Variants in MYCBPAP observed in about 807,000 individuals in gnomAD.
MYCBPAP encodes MYCBP-associated protein.
In MYCBPAP, 60 loss-of-function variants were observed where a neutral mutation model predicts 106.1. The observed-to-expected ratio is 0.57, with a 90% CI of 0.46 to 0.70. The LOEUF (loss-of-function observed/expected upper bound fraction) is 0.70, where lower values mean the gene tolerates loss of function less well. MYCBPAP is among the 30% of genes least tolerant of loss of function. The pLI is 0.00. For missense variants in MYCBPAP, 1,064 were observed against 1,169.3 expected (o/e 0.91, Z 1.31); for synonymous variants, 407 against 440.6 (o/e 0.92, Z 0.95).
intron 6 of MYCBPAP, 72 bp from the exon 7 acceptor site, chr17:50,519,568 G>T: frequency 3.2e-6 from 5 of 1,572,652 alleles, no homozygotes; most frequent in Non-Finnish European, 4.3e-6. Flanking sequence ...TGGTGCTCTT[G>T]TCTTCCCACA....
rs776455445 is a variant in MYCBPAP, at chr17:50,519,700, C to G, written c.829C>G (p.Leu277Val). 6 of 1,614,116 alleles carry G rather than the reference C, an allele frequency of 3.7e-6. No individual in the cohort carries two copies. In the Admixed American group the frequency reaches 8.3e-5, roughly 22 times the overall value. ...ATACTTGGGAGATGAGATGACAGGT[C>G]TGGTCATGACCAAGACAAAAACTCA... is the stretch of plus-strand genomic sequence containing the variant. The part of the protein sequence containing the change: ...LEYLGDEMTG[L>V]VMTKTKTQRG... Residue 277 changes from leucine (L) to valine (V), a missense_variant, in exon 7 of 19, where the codon CTG (leucine) becomes GTG (valine). Coordinates refer to ENST00000323776, the MANE Select transcript of MYCBPAP (RefSeq NM_032133.6).
upstream of MYCBPAP, chr17:50,508,434 C>A (rs1031112582): frequency 3.9e-6 from 4 of 1,036,824 alleles, no homozygotes; most frequent in Non-Finnish European, 4.1e-6. Context: ...ACAGGCCGGG[C>A]CCGCAGGGCT....
At chr17:50,517,500 C>T (rs778766687) in intron 3 of MYCBPAP, 48 bp downstream of exon 3, 3 of 1,614,060 alleles carry the variant, frequency 1.9e-6, no homozygotes, top group East Asian at 4.5e-5. Flanking sequence ...ACTCATGGGT[C>T]AGCCTCAAGA....
At chr17:50,515,159 G>A (rs12602861) in intron 1 of MYCBPAP, among the ~76,000 whole-genome samples, 36,854 of 151,776 alleles carry the variant, frequency 0.24, 4,630 homozygotes, top group East Asian at 0.44. Context: ...CCTTTCTCCA[G>A]CTTCTTCAGC....
At chr17:50,508,316 C>A, upstream of MYCBPAP, 1 of 461,512 alleles carries the variant, frequency 2.2e-6, no homozygotes, top group South Asian at 3.6e-5. Flanking sequence ...CAGCCACTCC[C>A]ACCCAGCCCT....
chr17:50,528,634 CCTGCAGCATCCA>C, intron 16 of MYCBPAP, 49 bp from the exon 17 acceptor site: 17 of 1,584,744 alleles, frequency 1.1e-5, no homozygotes, highest in Non-Finnish European at 1.5e-5. Flanking sequence ...TCCTCACGTA[CCTGCAGCATCCA>C]CTAGGCTGTT....
At chr17:50,519,615 T>A (rs1230176869) in intron 6 of MYCBPAP, 25 bp from the exon 7 acceptor site, 2 of 1,613,174 alleles carry the variant, frequency 1.2e-6, no homozygotes, top group Non-Finnish European at 1.7e-6. Context: ...CCTGGTAATC[T>A]GACTCACCTT....
At chr17:50,528,876 G>A (rs1428862795) in intron 17 of MYCBPAP, 36 bp downstream of exon 17, 10 of 1,610,532 alleles carry the variant, frequency 6.2e-6, no homozygotes, top group Non-Finnish European at 7.6e-6. Flanking sequence ...GGTGGGGCTG[G>A]GGAGGGGATT....
In MYCBPAP at chr17:50,530,497, C is replaced by CAAAAAAAAAAA. The variant is rs10526790; in HGVS notation, c.2725-821_2725-820insAAAAAAAAAAA. 1.9e-3 allele frequency among the ~76,000 whole-genome samples: 206 copies of CAAAAAAAAAAA among 105,872 alleles called. 41 individuals are homozygous for CAAAAAAAAAAA. Among genetic ancestry groups the CAAAAAAAAAAA allele is most frequent in the Middle Eastern group, 0.011 (2 of 184 alleles). 69.5% of individuals were successfully genotyped at this position (105,872 alleles called of 152,430 possible). A position where few individuals can be genotyped will look rare whatever the true frequency, so the allele number is the denominator to read the frequency against. ...GTGACAAGAGTGAGACTCTTACCTC[C>CAAAAAAAAAAA]AAAAAAAAAGAATCAACTTGCTGGC... is the stretch of plus-strand genomic sequence containing the variant. On this transcript the variant is annotated intron_variant, in intron 18 of 18. Transcript: ENST00000323776.
intron 1 of MYCBPAP, 113 bp downstream of exon 1, chr17:50,508,863 A>G: frequency 1.0e-6 from 1 of 993,124 alleles, no homozygotes; most frequent in Non-Finnish European, 1.6e-6. Context: ...GATGGAGGAA[A>G]GATCACGGGG....
At chr17:50,515,089 C>T (rs1303835156) in intron 1 of MYCBPAP, 3 of 201,234 alleles carry the variant, frequency 1.5e-5, no homozygotes, top group Non-Finnish European at 3.2e-5. Flanking sequence ...GTGCTCCATT[C>T]TTTGCCACTA....
chr17:50,510,726 G>A (rs184892140), intron 1 of MYCBPAP, among the ~76,000 whole-genome samples: 59 of 99,976 alleles, frequency 5.9e-4, no homozygotes, highest in African/African-American at 2.2e-3. Flanking sequence ...GAGACAAGTT[G>A]CCCAGGCTGG....
intron 4 of MYCBPAP, 41 bp from the exon 5 acceptor site, chr17:50,518,500 C>A (rs770814947): frequency 1.3e-6 from 2 of 1,508,904 alleles, no homozygotes; most frequent in Non-Finnish European, 1.8e-6. Context: ...CTGCCCAGAG[C>A]CTTCTTACTG....
chr17:50,518,268 C>T (rs1167620627), intron 4 of MYCBPAP, among the ~76,000 whole-genome samples: 1 of 152,228 alleles, frequency 6.6e-6, no homozygotes, highest in Non-Finnish European at 1.5e-5. Flanking sequence ...GTGAAGGTGG[C>T]AATCAACATC....
At chr17:50,524,354 A>G (rs187308777) in intron 12 of MYCBPAP, among the ~76,000 whole-genome samples, 42 of 152,250 alleles carry the variant, frequency 2.8e-4, no homozygotes, top group Non-Finnish European at 5.9e-4. Context: ...GTGGCCCCCA[A>G]TCACAAGGCC....
chr17:50,528,135 C>T lies in MYCBPAP; in HGVS notation c.2292-20C>T, dbSNP rs2143997765. On this transcript the variant is annotated intron_variant, in intron 15 of 18. Transcript: ENST00000323776. ...CAAATGAGGAGTGATGGCATTTCTC[C>T]ACTGTGTCTTGCCCTCTAGTTTGCA... is the stretch of plus-strand genomic sequence containing the variant. 1 of 1,603,862 alleles carries T rather than the reference C, an allele frequency of 6.2e-7. No individual in the cohort carries two copies. The highest frequency in any genetic ancestry group is 2.2e-5 in the East Asian group (1 of 44,806).
rs1567891506 is a variant in MYCBPAP, at chr17:50,522,995, C to T, written c.1314C>T (p.Thr438=). The change falls in exon 11 of 19, where the codon ACC becomes ACT. Residue 438 remains threonine, a synonymous_variant. Transcript: ENST00000323776. ...LTFETLEGEK[T]SSELTVVNNG... is the part of the protein sequence containing the mutation. ...TTGAAACCCTAGAAGGCGAGAAAAC[C>T]TCCTCAGAACTGACTGTGGTCAATA... 1 of 1,613,638 alleles carries T rather than the reference C, an allele frequency of 6.2e-7. No homozygotes were observed. The highest frequency in any genetic ancestry group is 1.3e-5 in the African/African-American group (1 of 74,844).
intron 2 of MYCBPAP, 29 bp downstream of exon 2, chr17:50,516,726 C>G (rs764755151): frequency 5.6e-6 from 9 of 1,612,338 alleles, no homozygotes; most frequent in Non-Finnish European, 7.6e-6. Flanking sequence ...CTTCCCTTAC[C>G]ATAGAAACGT....
Position 50,521,994 on chromosome 17 carries a change from T to C in MYCBPAP, c.1170T>C (p.Ser390=). The C allele has an allele frequency of 6.2e-7, 1 of 1,613,806 alleles. No homozygotes were observed. The highest frequency in any genetic ancestry group is 1.1e-5 in the South Asian group (1 of 91,080). ...TAYLGTLASS[S]DVSMPILGPS... Reference sequence around the variant, plus strand: ...ACAGAGGCACATTGGCCAGTTCCTCTGATGTCTCCATGCCTATTCTCGGCC... The same window carrying C: ...ACAGAGGCACATTGGCCAGTTCCTCCGATGTCTCCATGCCTATTCTCGGCC... Residue 390 remains serine (S), a synonymous_variant, in exon 10 of 19, where the codon TCT becomes TCC. Transcript: ENST00000323776.
Sources: gnomAD v4.1 joint callset for allele counts (sites outside exome capture counted in the v4.1 genomes callset) on GRCh38, gnomAD v4.1.1 for gene constraint, MANE v1.5 for transcripts, NCBI Gene and HGNC (gene_info 2026-07-23, HGNC 2026-07-21) for gene names.